The following GPR161 variants were observed in gnomAD, a reference collection of about 807,000 sequenced individuals.
GPR161 encodes G-protein coupled receptor RE2.
A neutral mutation model predicts 39.2 loss-of-function variants in GPR161; 25 were observed. The observed-to-expected ratio is 0.64, with a 90% CI of 0.47 to 0.89. The LOEUF (loss-of-function observed/expected upper bound fraction) is 0.89, where lower values mean the gene tolerates loss of function less well. GPR161 is among the 40% of genes least tolerant of loss of function. The pLI is 0.00. For synonymous variants in GPR161, 286 were observed against 276.6 expected, an observed-to-expected ratio of 1.03 and a Z score of -0.34; for missense variants, 547 against 677.8, an observed-to-expected ratio of 0.81 and a Z score of 2.14.
At chr1:168,137,326 C>G (rs1572410052), upstream of GPR161, 11 of 1,535,254 alleles carry the variant, frequency 7.2e-6, no homozygotes, top group Non-Finnish European at 7.9e-6. Context: ...GCAGGCTCCG[C>G]ACAGTCCCAT....
chr1:168,084,917 A>G lies in GPR161; in HGVS notation c.*614T>C, dbSNP rs1028850579. On this transcript the variant is annotated 3_prime_UTR_variant, in exon 6 of 6. Transcript: ENST00000682931. ...CTGCAAGAGGCCTGTGGCTGTCCCT[A>G]TTAGCACCAGCAGGTGGCGCCACTG... 4.4e-6 allele frequency: 2 copies of G among 456,126 alleles called. No homozygotes were observed. The highest frequency in any genetic ancestry group is 4.0e-5 in the African/African-American group (2 of 50,046). 28.3% of individuals were successfully genotyped at this position (456,126 alleles called of 1,614,324 possible). A position where few individuals can be genotyped will look rare whatever the true frequency, so the allele number is the denominator to read the frequency against.
At chr1:168,110,521 AACG>A (rs1416016221) in intron 1 of GPR161, among the ~76,000 whole-genome samples, 2 of 140,964 alleles carry the variant, frequency 1.4e-5, no homozygotes, top group African/African-American at 2.7e-5. Flanking sequence ...AAAAAAAAAA[AACG>A]AAAGAAAGGA....
chr1:168,087,387 C>T lies in GPR161; in HGVS notation c.1324+198G>A, dbSNP rs149321108. On this transcript the variant is annotated intron_variant, in intron 5 of 5. Coordinates refer to ENST00000682931, the MANE Select transcript of GPR161 (RefSeq NM_001375883.1). ...GTTTGACAGCCATTGTTTGCCCAGCCTTCGATGCTGCTTGCTCTGAGAACT... is the reference window on the plus strand; with the variant it reads ...GTTTGACAGCCATTGTTTGCCCAGCTTTCGATGCTGCTTGCTCTGAGAACT... Among the ~76,000 whole-genome samples, 509 of 152,030 alleles carry T rather than the reference C, an allele frequency of 3.3e-3. 6 individuals are homozygous for T. The highest frequency in any genetic ancestry group is 0.011 in the African/African-American group (475 of 41,402).
Position 168,120,529 on chromosome 1 carries a change from G to A in GPR161, c.-44-15635C>T, listed in dbSNP as rs1161157966. Reference sequence around the variant, plus strand: ...AGTTAAGACCATGGGGGACTGTTGGGAAGGGATAATTGGTTTTGAAATGTG... The same window carrying A: ...AGTTAAGACCATGGGGGACTGTTGGAAAGGGATAATTGGTTTTGAAATGTG... On this transcript the variant is annotated intron_variant, in intron 1 of 5. Coordinates refer to ENST00000682931, the MANE Select transcript of GPR161 (RefSeq NM_001375883.1). Among the ~76,000 whole-genome samples the A allele has an allele frequency of 5.9e-5, 9 of 152,202 alleles. 1 individual carries two copies. Among genetic ancestry groups the A allele is most frequent in the South Asian group, 2.1e-4 (1 of 4,828 alleles).
At chr1:168,099,478 C>T (rs989819046) in intron 2 of GPR161, among the ~76,000 whole-genome samples, 5 of 152,192 alleles carry the variant, frequency 3.3e-5, no homozygotes, top group Admixed American at 1.3e-4. Context: ...CTTCCACCGA[C>T]TCTGTTTGGC....
intron 1 of GPR161, among the ~76,000 whole-genome samples, chr1:168,111,748 T>C (rs189587662): frequency 5.5e-4 from 84 of 152,318 alleles, no homozygotes; most frequent in African/African-American, 1.9e-3. Flanking sequence ...TCCAATCTAC[T>C]AGAGTTAACA....
In GPR161 at chr1:168,084,913, C is replaced by A. The variant is rs1017063696; in HGVS notation, c.*618G>T. ...CAGTCTGCAAGAGGCCTGTGGCTGT[C>A]CCTATTAGCACCAGCAGGTGGCGCC... On this transcript the variant is annotated 3_prime_UTR_variant, in exon 6 of 6. Coordinates refer to ENST00000682931, the MANE Select transcript of GPR161 (RefSeq NM_001375883.1). 2 of 456,154 alleles carry A rather than the reference C, an allele frequency of 4.4e-6. No homozygotes were observed. Among genetic ancestry groups the A allele is most frequent in the Non-Finnish European group, 8.8e-6 (2 of 226,956 alleles). 28.3% of individuals were successfully genotyped at this position (456,154 alleles called of 1,614,324 possible).
In GPR161 at chr1:168,083,152, T is replaced by C. The variant is rs1694191477; in HGVS notation, c.*2379A>G. 1 of 152,188 alleles carries C rather than the reference T, an allele frequency of 6.6e-6. No homozygotes were observed. The highest frequency in any genetic ancestry group is 6.5e-5 in the Admixed American group (1 of 15,282). 9.4% of individuals were successfully genotyped at this position (152,188 alleles called of 1,614,324 possible). ...CTGCTCCCTAAATCAGAGTGCACAC[T>C]TTAGTGGTATTGCCTACAGAGCCTA... On this transcript the variant is annotated 3_prime_UTR_variant, in exon 6 of 6. Coordinates refer to ENST00000682931, the MANE Select transcript of GPR161 (RefSeq NM_001375883.1).
At chr1:168,106,850 C>T (rs879807117) in intron 1 of GPR161, among the ~76,000 whole-genome samples, 4 of 152,122 alleles carry the variant, frequency 2.6e-5, no homozygotes, top group Admixed American at 2.6e-4. Flanking sequence ...CAGCTTTGTG[C>T]TATGGAGATA....
At chr1:168,125,519 C>T (rs184704374) in intron 1 of GPR161, among the ~76,000 whole-genome samples, 140 of 152,210 alleles carry the variant, frequency 9.2e-4, no homozygotes, top group African/African-American at 3.1e-3. Flanking sequence ...AGGCCAACTC[C>T]AGAAAATATG....
At chr1:168,121,354 G>A (rs941180831) in intron 1 of GPR161, among the ~76,000 whole-genome samples, 6 of 152,028 alleles carry the variant, frequency 3.9e-5, no homozygotes, top group Admixed American at 6.6e-5. Context: ...TTTTTGTTGC[G>A]GCATGTAGGA....
At chr1:168,099,843 G>GGT (rs1315746255) in intron 2 of GPR161, among the ~76,000 whole-genome samples, 1 of 146,014 alleles carries the variant, frequency 6.8e-6, no homozygotes, top group Non-Finnish European at 1.5e-5. Flanking sequence ...TTTTGGGGGG[G>GGT]GGGGGTTGGT....
Position 168,084,874 on chromosome 1 carries a change from T to TAGGC in GPR161, c.*653_*656dup. 2.2e-6 allele frequency: 1 copy of TAGGC among 456,222 alleles called. No homozygotes were observed. Among genetic ancestry groups the TAGGC allele is most frequent in the Non-Finnish European group, 4.4e-6 (1 of 226,946 alleles). 28.3% of individuals were successfully genotyped at this position (456,222 alleles called of 1,614,324 possible). A position where few individuals can be genotyped will look rare whatever the true frequency, so the allele number is the denominator to read the frequency against. The stretch of plus-strand genomic sequence containing the variant: ...ACCAAAGAACTTGTCAGTAGGGAAG[T>TAGGC]AGGCAGGGTGGGCCAGTCTGCAAGA... On this transcript the variant is annotated 3_prime_UTR_variant, in exon 6 of 6. Transcript: ENST00000682931.
At chr1:168,094,447 A>C (rs1695342231) in intron 3 of GPR161, among the ~76,000 whole-genome samples, 1 of 152,170 alleles carries the variant, frequency 6.6e-6, no homozygotes, top group Admixed American at 6.5e-5. Context: ...AGATACAGAG[A>C]AATGTTTTCT....
At chr1:168,112,352 T>C (rs375956874) in intron 1 of GPR161, among the ~76,000 whole-genome samples, 20 of 151,482 alleles carry the variant, frequency 1.3e-4, no homozygotes, top group African/African-American at 3.6e-4. Context: ...TGGTGGTGGG[T>C]GCCTGTAGTC....
At chr1:168,102,854 A>G (rs1398935004) in intron 2 of GPR161, among the ~76,000 whole-genome samples, 2 of 151,800 alleles carry the variant, frequency 1.3e-5, no homozygotes, top group Non-Finnish European at 2.9e-5. Context: ...AAAAAAAAAA[A>G]GTTAAAACAA....
At chr1:168,092,707 T>C (rs777299972) in intron 3 of GPR161, among the ~76,000 whole-genome samples, 2 of 152,160 alleles carry the variant, frequency 1.3e-5, no homozygotes, top group Admixed American at 1.3e-4. Context: ...ACAAGACCTC[T>C]AGATGCCCCC....
At chr1:168,134,794 A>T (rs1333865699) in intron 1 of GPR161, 5 of 901,242 alleles carry the variant, frequency 5.5e-6, no homozygotes, top group African/African-American at 1.6e-5. Context: ...CTTACTGGAG[A>T]CAGGCTTAGC....
chr1:168,117,107 C>G (rs564418513), intron 1 of GPR161, among the ~76,000 whole-genome samples: 1 of 152,302 alleles, frequency 6.6e-6, no homozygotes, highest in Admixed American at 6.5e-5. Context: ...GACTGCAACC[C>G]TCTCCACAAG....
Sources: allele counts gnomAD v4.1 joint callset (sites outside exome capture counted in the v4.1 genomes callset), GRCh38; gene constraint gnomAD v4.1.1; transcripts MANE v1.5; gene names NCBI Gene and HGNC (gene_info 2026-07-23, HGNC 2026-07-21).